Variants in RAPGEFL1 observed in about 807,000 individuals in gnomAD.
RAPGEFL1 encodes rap guanine nucleotide exchange factor-like 1.
In RAPGEFL1, 31 loss-of-function variants were observed where a neutral mutation model predicts 64.4. The observed-to-expected ratio is 0.48, with a 90% confidence interval of 0.36 to 0.65. The LOEUF is 0.65. Ranked by LOEUF, RAPGEFL1 falls within the 30% of genes least tolerant of loss-of-function variation. The pLI, the probability that RAPGEFL1 is intolerant of heterozygous loss-of-function variation, is 0.00. For missense variants in RAPGEFL1, 682 were observed against 677.4 expected (o/e 1.01, Z -0.08); for synonymous variants, 331 against 274.1 (o/e 1.21, Z -2.05).
intron 11 of RAPGEFL1, 126 bp from the exon 12 acceptor site, chr17:40,192,480 G>A (rs1812295610): frequency 1.0e-6 from 1 of 963,780 alleles, no homozygotes; most frequent in African/African-American, 1.6e-5. Context: ...CACACCATTA[G>A]AAAGCCCCCA....
rs750934410 is a variant in RAPGEFL1 at position 40,188,851 on chromosome 17, C to T, written c.834-15C>T. 3.7e-6 allele frequency: 6 copies of T among 1,608,486 alleles called. No individual in the cohort carries two copies. Among genetic ancestry groups the T allele is most frequent in the African/African-American group, 2.7e-5 (2 of 74,822 alleles). Reference sequence around the variant, plus strand: ...CCTGGCAGGGCGTGCTGATGCCCAGCTGTGTCCATGCCAGGATTCCAGAGG... The same window carrying T: ...CCTGGCAGGGCGTGCTGATGCCCAGTTGTGTCCATGCCAGGATTCCAGAGG... On this transcript the variant is annotated splice_polypyrimidine_tract_variant and intron_variant, in intron 4 of 14. Transcript: ENST00000620260.
At chr17:40,181,759 C>T (rs1989901919) in intron 2 of RAPGEFL1, 65 bp downstream of exon 2, 5 of 694,284 alleles carry the variant, frequency 7.2e-6, no homozygotes, top group Admixed American at 2.0e-5. Context: ...GTCCCACATG[C>T]AATCTCAGAG....
At chr17:40,180,746 C>T (rs1989869394) in intron 1 of RAPGEFL1, among the ~76,000 whole-genome samples, 1 of 152,254 alleles carries the variant, frequency 6.6e-6, no homozygotes, top group South Asian at 2.1e-4. Context: ...CCTCCGCCTG[C>T]ATGGCTAGAA....
In RAPGEFL1 at chr17:40,189,258, C is replaced by G. The variant is rs773579151; in HGVS notation, c.997C>G (p.Arg333Gly). Residue 333 changes from arginine to glycine, a missense_variant, in exon 6 of 15, where the codon CGC becomes GGC. This residue lies in a region of RAPGEFL1 where 411 missense variants were observed against 519.4 expected (regional missense o/e 0.79). Transcript: ENST00000620260. Reference protein sequence around the residue: ...PDHSYVTIRSRLSASVQDILG... With the variant: ...PDHSYVTIRSGLSASVQDILG... Reference sequence around the variant, plus strand: ...CCACTCTTATGTGACCATACGCAGCCGCCTTTCAGCATCTGTGCAGGACAT... The same window carrying G: ...CCACTCTTATGTGACCATACGCAGCGGCCTTTCAGCATCTGTGCAGGACAT... 8.7e-6 allele frequency: 14 copies of G among 1,614,012 alleles called. No homozygotes were observed. Among genetic ancestry groups the G allele is most frequent in the Non-Finnish European group, 1.1e-5 (13 of 1,179,980 alleles).
chr17:40,194,119 T>A lies in RAPGEFL1; in HGVS notation c.*331T>A, dbSNP rs559401051. The A allele has an allele frequency of 1.8e-5, 5 of 282,770 alleles. No homozygotes were observed. In the East Asian group the frequency reaches 4.1e-4, roughly 23 times the overall value. The allele number at this position is 282,770 out of a possible 1,614,324, so 17.5% of individuals were successfully genotyped here. ...CTCTTGCAGCAGGAAAGAATGCTGC[T>A]CACCCTTCTGTCTTGCAGAGTGGGA... On this transcript the variant is annotated 3_prime_UTR_variant, in exon 15 of 15. Coordinates refer to ENST00000620260, the MANE Select transcript of RAPGEFL1 (RefSeq NM_016339.6).
chr17:40,177,466 G>A, upstream of RAPGEFL1: 1 of 641,672 alleles, frequency 1.6e-6, no homozygotes, highest in Non-Finnish European at 2.8e-6. Context: ...TCTCGGTTCT[G>A]CCACCTTCCC....
intron 13 of RAPGEFL1, 88 bp downstream of exon 13, chr17:40,193,078 C>G: frequency 7.7e-7 from 1 of 1,301,172 alleles, no homozygotes; most frequent in Non-Finnish European, 1.1e-6. Context: ...AAATAGCAGC[C>G]TTCCTCCAAG....
At chr17:40,186,306 C>T (rs1187154161) in intron 4 of RAPGEFL1, among the ~76,000 whole-genome samples, 16 of 147,090 alleles carry the variant, frequency 1.1e-4, no homozygotes, top group Non-Finnish European at 6.0e-5. Context: ...CGGTGGCTCA[C>T]GCCTGTAATC....
At chr17:40,178,944 G>A (rs1395077399) in intron 1 of RAPGEFL1, among the ~76,000 whole-genome samples, 1 of 152,188 alleles carries the variant, frequency 6.6e-6, no homozygotes, top group East Asian at 1.9e-4. Flanking sequence ...ATTCTCCTTG[G>A]GCTGGACTCA....
chr17:40,187,482 T>C (rs776860622), intron 4 of RAPGEFL1, among the ~76,000 whole-genome samples: 5 of 152,110 alleles, frequency 3.3e-5, no homozygotes, highest in Non-Finnish European at 7.4e-5. Context: ...TACCCTTCCC[T>C]TTCTGCCTTC....
At chr17:40,193,626 G>A (rs370204536) in intron 14 of RAPGEFL1, 38 bp from the exon 15 acceptor site, 4 of 1,613,802 alleles carry the variant, frequency 2.5e-6, no homozygotes, top group Admixed American at 1.7e-5. Flanking sequence ...AAGAAGGGAA[G>A]CTGGGAACCT....
chr17:40,186,300 G>A (rs1990069507), intron 4 of RAPGEFL1, among the ~76,000 whole-genome samples: 1 of 149,768 alleles, frequency 6.7e-6, no homozygotes, highest in African/African-American at 2.4e-5. Context: ...CGGGCGCGGT[G>A]GCTCACGCCT....
At position 40,191,532 on chromosome 17, in the gene RAPGEFL1, C is replaced by T. The variant is rs1450283521; in HGVS notation, c.1514+38C>T. On this transcript the variant is annotated intron_variant, in intron 9 of 14. Coordinates refer to ENST00000620260, the MANE Select transcript of RAPGEFL1 (RefSeq NM_016339.6). The surrounding 1 kb of genome is among the most constrained non-coding windows in gnomAD (Gnocchi z 5.1). Reference sequence around the variant, plus strand: ...GTCGGCGGGATGGGGGGCCGGAGGCCGGAGGCCCGCGCCGCCGCCCGCCCC... The same window carrying T: ...GTCGGCGGGATGGGGGGCCGGAGGCTGGAGGCCCGCGCCGCCGCCCGCCCC... 2.3e-5 allele frequency: 36 copies of T among 1,561,126 alleles called. No individual in the cohort carries two copies. Among genetic ancestry groups the T allele is most frequent in the Non-Finnish European group, 3.0e-5 (35 of 1,156,002 alleles).
chr17:40,189,527 A>G, intron 6 of RAPGEFL1, 152 bp downstream of exon 6: 1 of 865,716 alleles, frequency 1.2e-6, no homozygotes, highest in Non-Finnish European at 1.8e-6. Context: ...GGAACTTGTT[A>G]GGATGCAGCA....
At chr17:40,180,576 C>T (rs1362416474) in intron 1 of RAPGEFL1, among the ~76,000 whole-genome samples, 1 of 152,138 alleles carries the variant, frequency 6.6e-6, no homozygotes, top group African/African-American at 2.4e-5. Flanking sequence ...TAGGTTTTAC[C>T]CTAACACTCT....
chr17:40,177,538 G>A lies in RAPGEFL1; in HGVS notation c.-324G>A. 1 of 539,844 alleles carries A rather than the reference G, an allele frequency of 1.9e-6. No homozygotes were observed. 33.4% of individuals were successfully genotyped at this position (539,844 alleles called of 1,614,324 possible). ...CGCCGCCGCGTCCTCTCAGCCTTGC[G>A]CTCCGCCCGCTGCCTCTGCCGCCGC... On this transcript the variant is annotated 5_prime_UTR_variant, in exon 1 of 15. Transcript: ENST00000620260.
intron 2 of RAPGEFL1, among the ~76,000 whole-genome samples, chr17:40,182,918 C>T (rs377331855): frequency 1.3e-5 from 2 of 152,008 alleles, no homozygotes; most frequent in East Asian, 1.9e-4. Flanking sequence ...GAGGCTGGGG[C>T]GGGTGGATCA....
rs1000864634 is a variant in RAPGEFL1 at position 40,191,021 on chromosome 17, G to A, written c.1335+259G>A. The A allele has an allele frequency of 2.8e-5, 17 of 601,572 alleles. No homozygotes were observed. The East Asian group carries it at 4.9e-4, about 18-fold the overall frequency. The allele number at this position is 601,572 out of a possible 1,614,324, so 37.3% of individuals were successfully genotyped here. A position where few individuals can be genotyped will look rare whatever the true frequency, so the allele number is the denominator to read the frequency against. ...TATTTTTAAAATATTCACTATTAAA[G>A]AAATAAAATAAGGCAGAGACAATAA... On this transcript the variant is annotated intron_variant, in intron 8 of 14. Transcript: ENST00000620260. The surrounding 1 kb of genome is among the most constrained non-coding windows in gnomAD (Gnocchi z 5.1).
rs766048963 is a variant in RAPGEFL1, at chr17:40,191,536, G to A, written c.1514+42G>A. On this transcript the variant is annotated intron_variant, in intron 9 of 14. Coordinates refer to ENST00000620260, the MANE Select transcript of RAPGEFL1 (RefSeq NM_016339.6). The surrounding 1 kb of genome is among the most constrained non-coding windows in gnomAD (Gnocchi z 5.1). ...GCGGGATGGGGGGCCGGAGGCCGGA[G>A]GCCCGCGCCGCCGCCCGCCCCTGAC... The A allele has an allele frequency of 6.4e-7, 1 of 1,560,474 alleles. No individual in the cohort carries two copies. Among genetic ancestry groups the A allele is most frequent in the Non-Finnish European group, 8.7e-7 (1 of 1,155,392 alleles).
Sources: gnomAD v4.1 joint callset for allele counts (sites outside exome capture counted in the v4.1 genomes callset) on GRCh38, gnomAD v4.1.1 for gene constraint, gnomAD v4.1.1 regional missense constraint, Gnocchi (gnomAD v3.1) non-coding constraint, MANE v1.5 for transcripts, NCBI Gene and HGNC (gene_info 2026-07-23, HGNC 2026-07-21) for gene names.